ABCA12: variants seen among roughly 807,000 people sequenced by gnomAD.
The protein encoded by ABCA12 is ATP binding cassette subfamily A member 12.
A neutral mutation model predicts 293.5 loss-of-function variants in ABCA12; 156 were observed. The observed-to-expected ratio is 0.53, with a 90% CI of 0.47 to 0.61. The LOEUF (loss-of-function observed/expected upper bound fraction) is 0.61. Among genes scored for constraint, ABCA12 ranks in the 20% least tolerant of loss-of-function variants. ABCA12 has a pLI of 0.00. For missense variants in ABCA12, 2,797 were observed against 3,090.2 expected (o/e 0.91, Z 2.25); for synonymous variants, 1,063 against 1,108.0 (o/e 0.96, Z 0.81).
intron 18 of ABCA12, among the ~76,000 whole-genome samples, chr2:215,009,465 TA>T (rs35436276): frequency 2.0e-5 from 3 of 151,774 alleles, no homozygotes; most frequent in South Asian, 2.1e-4. Flanking sequence ...AAATAAAAGT[TA>T]AAAAAAATCA....
intron 7 of ABCA12, among the ~76,000 whole-genome samples, chr2:215,039,271 C>A (rs1027675565): frequency 5.9e-5 from 9 of 152,068 alleles, no homozygotes; most frequent in Non-Finnish European, 1.3e-4. Context: ...CCTGTGGGGT[C>A]CATTTGTCTC....
chr2:215,072,615 G>A (rs17444201), intron 2 of ABCA12, among the ~76,000 whole-genome samples: 2,844 of 152,252 alleles, frequency 0.019, 43 homozygotes, highest in Middle Eastern at 0.048. Flanking sequence ...ACCCTGCTGG[G>A]TGATGGGTTC....
intron 17 of ABCA12, 140 bp downstream of exon 17, chr2:215,011,299 G>A (rs961728828): frequency 4.1e-5 from 28 of 687,504 alleles, no homozygotes; most frequent in Non-Finnish European, 6.7e-5. Context: ...TTGACATGTG[G>A]TAAGTGCTGT....
intron 23 of ABCA12, 94 bp from the exon 24 acceptor site, chr2:214,991,125 C>A: frequency 8.9e-7 from 1 of 1,128,862 alleles, no homozygotes; most frequent in Non-Finnish European, 1.3e-6. Flanking sequence ...ATGATAGTCT[C>A]TCTGTATATG....
At chr2:214,934,562 A>C (rs187544402) in intron 51 of ABCA12, among the ~76,000 whole-genome samples, 1 of 152,220 alleles carries the variant, frequency 6.6e-6, no homozygotes, top group Non-Finnish European at 1.5e-5. Context: ...CTCAGTGCTC[A>C]ATCTTAAGAA....
At chr2:215,025,994 A>G (rs773326464) in intron 10 of ABCA12, among the ~76,000 whole-genome samples, 1 of 152,218 alleles carries the variant, frequency 6.6e-6, no homozygotes, top group Non-Finnish European at 1.5e-5. Flanking sequence ...AGAGATAAAA[A>G]TATTTCTAGC....
chr2:215,026,670 A>G (rs962441568), intron 10 of ABCA12, 150 bp downstream of exon 10: 4 of 744,900 alleles, frequency 5.4e-6, no homozygotes, highest in African/African-American at 5.2e-5. Context: ...TTCCCTTTGT[A>G]TATCAAATCA....
At chr2:215,014,815 A>C (rs1210069238) in intron 15 of ABCA12, among the ~76,000 whole-genome samples, 1 of 152,238 alleles carries the variant, frequency 6.6e-6, no homozygotes, top group Non-Finnish European at 1.5e-5. Context: ...GAGAAGGATA[A>C]TTCTTCAGTG....
intron 2 of ABCA12, among the ~76,000 whole-genome samples, chr2:215,078,391 G>C (rs1701874190): frequency 6.6e-6 from 1 of 152,198 alleles, no homozygotes; most frequent in Admixed American, 6.5e-5. Flanking sequence ...TTCCTTGAGA[G>C]AATACTGATC....
At chr2:215,068,637 A>T (rs1430208254) in intron 2 of ABCA12, among the ~76,000 whole-genome samples, 2 of 150,842 alleles carry the variant, frequency 1.3e-5, no homozygotes, top group African/African-American at 2.4e-5. Context: ...TTTTTCCTCT[A>T]CTTCTTAATG....
intron 44 of ABCA12, 45 bp downstream of exon 44, chr2:214,953,809 G>A: frequency 6.2e-7 from 1 of 1,600,996 alleles, no homozygotes; most frequent in Non-Finnish European, 8.5e-7. Flanking sequence ...AGGTTGAATT[G>A]AGTTCTGTTT....
intron 2 of ABCA12, among the ~76,000 whole-genome samples, chr2:215,105,326 G>T (rs1039991188): frequency 6.6e-6 from 1 of 152,084 alleles, no homozygotes; most frequent in Non-Finnish European, 1.5e-5. Context: ...CTTTTAACTG[G>T]CATGCAGGGA....
chr2:214,957,943 G>A (rs560565668), intron 41 of ABCA12, among the ~76,000 whole-genome samples: 6 of 152,072 alleles, frequency 3.9e-5, no homozygotes, highest in African/African-American at 1.2e-4. Flanking sequence ...AGACTTCAGC[G>A]TGCTTAGAAT....
chr2:215,038,731 A>G (rs1321003348), intron 7 of ABCA12, among the ~76,000 whole-genome samples: 1 of 152,156 alleles, frequency 6.6e-6, no homozygotes, highest in Non-Finnish European at 1.5e-5. Flanking sequence ...CACCTGACCT[A>G]TTGTCCCAAA....
At chr2:215,112,158 G>A (rs1479078596) in intron 1 of ABCA12, among the ~76,000 whole-genome samples, 2 of 152,014 alleles carry the variant, frequency 1.3e-5, no homozygotes, top group Non-Finnish European at 2.9e-5. Flanking sequence ...TGTGAAGTGG[G>A]TCATGACCCA....
chr2:215,026,910 C>T lies in ABCA12; in HGVS notation c.1090G>A (p.Ala364Thr), dbSNP rs1353368441. The T allele has an allele frequency of 1.9e-6, 3 of 1,610,904 alleles. No individual in the cohort carries two copies. In the African/African-American group the frequency reaches 4.0e-5, roughly 22 times the overall value. ...QLLILENFED[A>T]LLNISANSPY... Reference sequence around the variant, plus strand: ...CTATTTGCTGATATATTTAAGAGGGCATCTTCAAAGTTTTCCAGAATTAGG... The same window carrying T: ...CTATTTGCTGATATATTTAAGAGGGTATCTTCAAAGTTTTCCAGAATTAGG... The change falls in exon 10 of 53, where the codon GCC becomes ACC. Residue 364 changes from alanine (A) to threonine (T), a missense_variant. Physicochemically the swap from Ala to Thr is moderately conservative, Grantham distance 58. This residue lies in a region of ABCA12 where 656 missense variants were observed against 638.2 expected (regional missense o/e 1.03). Coordinates refer to ENST00000272895, the MANE Select transcript of ABCA12 (RefSeq NM_173076.3).
intron 3 of ABCA12, among the ~76,000 whole-genome samples, chr2:215,056,687 C>T (rs1434255005): frequency 6.6e-6 from 1 of 151,960 alleles, no homozygotes; most frequent in African/African-American, 2.4e-5. Context: ...ATGGAAATCA[C>T]AAAATAAATG....
intron 44 of ABCA12, among the ~76,000 whole-genome samples, chr2:214,953,184 A>T (rs1217811029): frequency 6.6e-6 from 1 of 152,228 alleles, no homozygotes; most frequent in Non-Finnish European, 1.5e-5. Context: ...TACATAGAGA[A>T]CTATATCATT....
chr2:214,958,143 G>T (rs1699008378), intron 41 of ABCA12, 134 bp downstream of exon 41: 2 of 1,233,150 alleles, frequency 1.6e-6, no homozygotes, highest in Non-Finnish European at 2.3e-6. Context: ...CCTGACTCAA[G>T]TCATTTTCTT....
Sources: allele counts gnomAD v4.1 joint callset (sites outside exome capture counted in the v4.1 genomes callset), GRCh38; gene constraint gnomAD v4.1.1; regional missense constraint gnomAD v4.1.1; transcripts MANE v1.5; gene names NCBI Gene and HGNC (gene_info 2026-07-23, HGNC 2026-07-21).